CSMD1: variants seen among roughly 807,000 people sequenced by gnomAD.
CSMD1 encodes the protein CUB and sushi domain-containing protein 1.
In CSMD1, 213 loss-of-function variants were observed where a neutral mutation model predicts 417.5. The ratio of observed to expected loss-of-function variants is 0.51; its 90% CI spans 0.46 to 0.57. CSMD1 has a LOEUF of 0.57. Ranked by LOEUF, CSMD1 falls within the 20% of genes least tolerant of loss-of-function variation. The pLI, the probability that CSMD1 is intolerant of heterozygous loss-of-function variation, is 0.00. For synonymous variants in CSMD1, 2,862 were observed against 1,736.8 expected, an observed-to-expected ratio of 1.65 and a Z score of -16.11; for missense variants, 6,923 against 4,529.7, an observed-to-expected ratio of 1.53 and a Z score of -15.17.
chr8:4,036,780 C>G (rs935626357), intron 3 of CSMD1, among the ~76,000 whole-genome samples: 2 of 152,350 alleles, frequency 1.3e-5, no homozygotes, highest in East Asian at 1.9e-4. Flanking sequence ...TTGGCAGCAC[C>G]ACTATTTCAT....
At chr8:3,177,784 G>C (rs556025897) in intron 37 of CSMD1, among the ~76,000 whole-genome samples, 117 of 152,278 alleles carry the variant, frequency 7.7e-4, no homozygotes, top group African/African-American at 2.7e-3. Context: ...TTGTTGGCCA[G>C]CAGTAAGATC....
intron 12 of CSMD1, among the ~76,000 whole-genome samples, chr8:3,457,505 GT>G (rs1816230074): frequency 6.6e-6 from 1 of 152,218 alleles, no homozygotes; most frequent in South Asian, 2.1e-4. Flanking sequence ...TTGGAGCTGA[GT>G]CATCAAAACC....
chr8:4,297,246 T>C (rs1463982974), intron 3 of CSMD1, among the ~76,000 whole-genome samples: 2 of 152,130 alleles, frequency 1.3e-5, no homozygotes, highest in Non-Finnish European at 2.9e-5. Flanking sequence ...AATAATTAAA[T>C]ATAGAGCTTG....
chr8:4,865,238 G>A (rs1055434128), intron 1 of CSMD1, among the ~76,000 whole-genome samples: 1 of 151,518 alleles, frequency 6.6e-6, no homozygotes. Flanking sequence ...TTAAATACTT[G>A]TACCAACATA....
chr8:3,481,375 T>C (rs1817741586), intron 11 of CSMD1, among the ~76,000 whole-genome samples: 1 of 152,108 alleles, frequency 6.6e-6, no homozygotes, highest in Non-Finnish European at 1.5e-5. Context: ...GAAACAACAA[T>C]TAGAACAGCG....
intron 2 of CSMD1, among the ~76,000 whole-genome samples, chr8:4,513,418 T>C (rs900797102): frequency 6.6e-5 from 10 of 152,310 alleles, no homozygotes; most frequent in African/African-American, 2.4e-4. Flanking sequence ...ATTTTAATTC[T>C]ACTAATGATC....
intron 6 of CSMD1, among the ~76,000 whole-genome samples, chr8:3,746,962 A>T (rs1207832284): frequency 1.3e-5 from 2 of 152,244 alleles, no homozygotes; most frequent in Admixed American, 6.5e-5. Context: ...CTGAGAAATA[A>T]AGCTGTGACT....
chr8:4,428,717 T>C (rs1181251223), intron 2 of CSMD1, among the ~76,000 whole-genome samples: 1 of 152,098 alleles, frequency 6.6e-6, no homozygotes, highest in Non-Finnish European at 1.5e-5. Flanking sequence ...GGTTATTTTG[T>C]GTATTATTTA....
intron 3 of CSMD1, among the ~76,000 whole-genome samples, chr8:4,344,227 CA>C (rs1800647790): frequency 6.6e-6 from 1 of 152,062 alleles, no homozygotes; most frequent in Non-Finnish European, 1.5e-5. Context: ...TCTGTTTTCC[CA>C]AAGGTGCCTC....
At chr8:3,297,833 C>G (rs1436597624) in intron 25 of CSMD1, among the ~76,000 whole-genome samples, 1 of 151,516 alleles carries the variant, frequency 6.6e-6, no homozygotes, top group African/African-American at 2.4e-5. Flanking sequence ...TAAAAATTTG[C>G]TAACCGTAAA....
At chr8:4,683,709 G>C (rs541765209) in intron 1 of CSMD1, among the ~76,000 whole-genome samples, 14 of 152,294 alleles carry the variant, frequency 9.2e-5, no homozygotes, top group African/African-American at 3.4e-4. Context: ...CCCACCAGGG[G>C]TCCTGATTTA....
At chr8:3,874,132 C>T (rs1805660660) in intron 5 of CSMD1, among the ~76,000 whole-genome samples, 1 of 152,178 alleles carries the variant, frequency 6.6e-6, no homozygotes, top group Admixed American at 6.5e-5. Flanking sequence ...GAGGCCTACC[C>T]CTTCCCCTGG....
chr8:3,157,814 G>A, intron 39 of CSMD1, 83 bp downstream of exon 39: 4 of 1,092,590 alleles, frequency 3.7e-6, no homozygotes, highest in Non-Finnish European at 5.4e-6. Flanking sequence ...ATTTAGAAGT[G>A]CATTCTTTGA....
intron 7 of CSMD1, among the ~76,000 whole-genome samples, chr8:3,683,419 T>A (rs1445584705): frequency 1.3e-5 from 2 of 151,982 alleles, no homozygotes; most frequent in African/African-American, 4.8e-5. Flanking sequence ...CAGGCAATGG[T>A]TTGAAACTAT....
chr8:4,095,941 A>G (rs1337202929), intron 3 of CSMD1, among the ~76,000 whole-genome samples: 1 of 152,230 alleles, frequency 6.6e-6, no homozygotes, highest in African/African-American at 2.4e-5. Flanking sequence ...TCATTCCTAA[A>G]AAGATTCATG....
intron 7 of CSMD1, among the ~76,000 whole-genome samples, chr8:3,662,072 G>C (rs1274285388): frequency 1.3e-5 from 2 of 152,168 alleles, no homozygotes; most frequent in Non-Finnish European, 2.9e-5. Flanking sequence ...CAGTAGTTGT[G>C]TAGAAACAGA....
chr8:4,908,601 G>A (rs927386368), intron 1 of CSMD1, among the ~76,000 whole-genome samples: 1 of 142,480 alleles, frequency 7.0e-6, no homozygotes, highest in African/African-American at 2.5e-5. Context: ...TTATTCAACA[G>A]CAGTCAAGCT....
rs188811596 is a variant in CSMD1 at position 4,905,595 on chromosome 8, C to G, written c.85+88737G>C. Among the ~76,000 whole-genome samples the G allele has an allele frequency of 4.0e-3, 602 of 151,560 alleles. 2 individuals are homozygous for G. Among genetic ancestry groups the G allele is most frequent in the East Asian group, 0.025 (129 of 5,110 alleles). On this transcript the variant is annotated intron_variant, in intron 1 of 69. Coordinates refer to ENST00000635120, the MANE Select transcript of CSMD1 (RefSeq NM_033225.6). ...AGCACTTTGGGAGGCCAAGGTGGGCCCATCACGAGGTCATGAGATCGAGGC... is the reference window on the plus strand; with the variant it reads ...AGCACTTTGGGAGGCCAAGGTGGGCGCATCACGAGGTCATGAGATCGAGGC...
At chr8:4,717,989 T>C (rs1233139614) in intron 1 of CSMD1, among the ~76,000 whole-genome samples, 1 of 152,158 alleles carries the variant, frequency 6.6e-6, no homozygotes, top group Non-Finnish European at 1.5e-5. Context: ...ATTTTATTAT[T>C]TGTTTTGAGA....
Sources: gnomAD v4.1 joint callset for allele counts (sites outside exome capture counted in the v4.1 genomes callset) on GRCh38, gnomAD v4.1.1 for gene constraint, MANE v1.5 for transcripts, NCBI Gene and HGNC (gene_info 2026-07-23, HGNC 2026-07-21) for gene names.